The following USP14 variants were observed in gnomAD, a reference collection of about 807,000 sequenced individuals.
USP14 encodes ubiquitin specific peptidase 14, also known as ubiquitin carboxyl-terminal hydrolase 14.
In USP14, 38 loss-of-function variants were observed where a neutral mutation model predicts 76.5. The observed-to-expected ratio is 0.50, with a 90% CI of 0.38 to 0.65. USP14 has a LOEUF of 0.65. USP14 is among the 30% of genes least tolerant of loss of function. The probability of loss-of-function intolerance (pLI) is 0.00; values close to 1 mark genes in which losing one functional copy is unlikely to be tolerated. For synonymous variants in USP14, 192 were observed against 191.7 expected (o/e 1.00, Z -0.01); for missense variants, 467 against 586.5 (o/e 0.80, Z 2.10).
intron 9 of USP14, among the ~76,000 whole-genome samples, chr18:198,524 GT>G (rs1910303298): frequency 6.6e-6 from 1 of 151,990 alleles, no homozygotes; most frequent in Non-Finnish European, 1.5e-5. Context: ...CAGCCCAGAG[GT>G]TTTTATACCT....
intron 6 of USP14, among the ~76,000 whole-genome samples, chr18:194,790 G>T (rs1357424580): frequency 2.0e-5 from 3 of 152,092 alleles, no homozygotes; most frequent in Non-Finnish European, 4.4e-5. Flanking sequence ...AATTAGCCGG[G>T]TGTGTTGGTG....
rs973159171 is a variant in USP14, at chr18:207,658, G to A, written c.1165-2313G>A. ...GGTGCCACTGCACTCCAGTCTGAGT[G>A]ACTGAGTAAGACTGTGTCTCAAAAA... On this transcript the variant is annotated intron_variant, in intron 13 of 15. Coordinates refer to ENST00000261601, the MANE Select transcript of USP14 (RefSeq NM_005151.4). Among the ~76,000 whole-genome samples the A allele has an allele frequency of 5.7e-5, 6 of 105,994 alleles. 1 individual carries two copies. The highest frequency in any genetic ancestry group is 1.5e-4 in the Non-Finnish European group (6 of 40,678). The allele number at this position is 105,994 out of a possible 152,430, so 69.5% of individuals were successfully genotyped here.
intron 3 of USP14, among the ~76,000 whole-genome samples, chr18:175,876 G>C (rs1468834699): frequency 6.6e-6 from 1 of 152,026 alleles, no homozygotes; most frequent in African/African-American, 2.4e-5. Flanking sequence ...TGGGTTTGGA[G>C]TTTTCTTTGT....
chr18:173,287 T>G (rs920487532), intron 3 of USP14, among the ~76,000 whole-genome samples: 1 of 151,602 alleles, frequency 6.6e-6, no homozygotes, highest in Admixed American at 6.6e-5. Flanking sequence ...TTTTTGTATT[T>G]TTTTTAGTAG....
At chr18:165,165 C>T (rs1304638622) in intron 2 of USP14, among the ~76,000 whole-genome samples, 2 of 151,454 alleles carry the variant, frequency 1.3e-5, no homozygotes, top group South Asian at 2.1e-4. Flanking sequence ...GCGCTGGTCT[C>T]GAACTCCTGA....
intron 3 of USP14, among the ~76,000 whole-genome samples, chr18:174,859 T>C (rs911996776): frequency 6.6e-6 from 1 of 152,150 alleles, no homozygotes; most frequent in East Asian, 1.9e-4. Context: ...CACTGTAGTT[T>C]CTGCCTCCCA....
At chr18:166,346 T>C (rs1598262735) in intron 2 of USP14, among the ~76,000 whole-genome samples, 1 of 152,186 alleles carries the variant, frequency 6.6e-6, no homozygotes, top group African/African-American at 2.4e-5. Flanking sequence ...TTTTTGTTTT[T>C]TTTTGAGATG....
At chr18:180,192 AT>A in intron 4 of USP14, 43 bp from the exon 5 acceptor site, 1 of 1,118,934 alleles carries the variant, frequency 8.9e-7, no homozygotes. Flanking sequence ...TTTTGTAAAA[AT>A]GGTTTAATGA....
intron 9 of USP14, among the ~76,000 whole-genome samples, chr18:198,914 T>A (rs1910314335): frequency 6.6e-6 from 1 of 152,214 alleles, no homozygotes; most frequent in Non-Finnish European, 1.5e-5. Flanking sequence ...TTATGTACCT[T>A]TGGGCTTCTA....
intron 1 of USP14, 25 bp from the exon 2 acceptor site, chr18:163,282 TA>T: frequency 1.3e-6 from 2 of 1,566,370 alleles, no homozygotes; most frequent in East Asian, 2.4e-5. Flanking sequence ...ATTTTTTAAT[TA>T]AAAAAATTGT....
chr18:162,175 G>C (rs557272402), intron 1 of USP14, among the ~76,000 whole-genome samples: 2 of 152,104 alleles, frequency 1.3e-5, no homozygotes, highest in African/African-American at 4.8e-5. Context: ...CACTTTTTCG[G>C]CTGTTGTGAA....
intron 5 of USP14, among the ~76,000 whole-genome samples, chr18:190,691 A>G (rs1910061783): frequency 6.6e-6 from 1 of 152,170 alleles, no homozygotes; most frequent in South Asian, 2.1e-4. Flanking sequence ...AGTATAATAG[A>G]CATTAGGTTA....
At chr18:201,635 G>A (rs1475659673) in intron 10 of USP14, among the ~76,000 whole-genome samples, 1 of 152,162 alleles carries the variant, frequency 6.6e-6, no homozygotes, top group Non-Finnish European at 1.5e-5. Context: ...AATCATGTAA[G>A]GCATGGTGTG....
At chr18:177,517 G>C (rs942507892) in intron 3 of USP14, among the ~76,000 whole-genome samples, 1 of 151,518 alleles carries the variant, frequency 6.6e-6, no homozygotes, top group African/African-American at 2.4e-5. Flanking sequence ...AGAAATAAAA[G>C]GTGATAGAAT....
At chr18:165,827 C>T (rs564134155) in intron 2 of USP14, among the ~76,000 whole-genome samples, 12 of 152,102 alleles carry the variant, frequency 7.9e-5, no homozygotes, top group Middle Eastern at 3.4e-3. Context: ...AGGAAGTTAC[C>T]GTTCCATTTT....
chr18:197,281 G>C (rs568634428), intron 7 of USP14, among the ~76,000 whole-genome samples: 1 of 152,282 alleles, frequency 6.6e-6, no homozygotes, highest in African/African-American at 2.4e-5. Context: ...GACCTTATTG[G>C]AACAGCACAC....
intron 5 of USP14, among the ~76,000 whole-genome samples, chr18:181,187 T>C (rs563824445): frequency 2.6e-4 from 40 of 152,366 alleles, no homozygotes; most frequent in South Asian, 8.3e-4. Flanking sequence ...TTGGCTGTTA[T>C]GAGTAATGCT....
At chr18:175,623 G>A (rs1436119298) in intron 3 of USP14, among the ~76,000 whole-genome samples, 1 of 151,922 alleles carries the variant, frequency 6.6e-6, no homozygotes, top group East Asian at 1.9e-4. Context: ...CTTTTGTTAA[G>A]GTTTTTTGTG....
At chr18:162,576 C>T (rs2144205590) in intron 1 of USP14, among the ~76,000 whole-genome samples, 1 of 152,130 alleles carries the variant, frequency 6.6e-6, no homozygotes, top group Non-Finnish European at 1.5e-5. Flanking sequence ...AGGAATTTTT[C>T]TTCTTCTCTT....
Sources: gnomAD v4.1 joint callset for allele counts (sites outside exome capture counted in the v4.1 genomes callset) on GRCh38, gnomAD v4.1.1 for gene constraint, MANE v1.5 for transcripts, NCBI Gene and HGNC (gene_info 2026-07-23, HGNC 2026-07-21) for gene names.